The following NKD1 variants were observed in gnomAD, a reference collection of about 807,000 sequenced individuals.
The protein encoded by NKD1 is NKD inhibitor of Wnt signaling pathway 1, also known as protein naked cuticle homolog 1.
NKD1 carries 21 observed loss-of-function variants against 56.0 expected under a neutral mutation model. The ratio of observed to expected loss-of-function variants is 0.38; its 90% CI spans 0.27 to 0.54. The LOEUF is 0.54. Among genes scored for constraint, NKD1 ranks in the 20% least tolerant of loss-of-function variants. The pLI is 0.82. For missense variants in NKD1, 578 were observed against 642.7 expected (o/e 0.90, Z 1.09); for synonymous variants, 263 against 265.7 (o/e 0.99, Z 0.10).
Position 50,608,128 on chromosome 16 carries a change from G to C in NKD1, c.193-166G>C. 5 of 654,478 alleles carry C rather than the reference G, an allele frequency of 7.6e-6. No individual in the cohort carries two copies. The South Asian group carries it at 8.4e-5, about 11-fold the overall frequency. 40.5% of individuals were successfully genotyped at this position (654,478 alleles called of 1,614,324 possible). ...GTGTGGGTTTATGTTAAGGGCAGGA[G>C]GGACCCACCTTGGCACTTAACTTTT... On this transcript the variant is annotated intron_variant, in intron 3 of 9. Coordinates refer to ENST00000268459, the MANE Select transcript of NKD1 (RefSeq NM_033119.5).
chr16:50,602,470 G>T (rs1197083369), intron 3 of NKD1, among the ~76,000 whole-genome samples: 1 of 152,134 alleles, frequency 6.6e-6, no homozygotes, highest in Non-Finnish European at 1.5e-5. Context: ...CCCAGCTTTT[G>T]TTTTCTTTTG....
chr16:50,588,569 T>G (rs1180514484), intron 3 of NKD1, among the ~76,000 whole-genome samples: 3 of 151,680 alleles, frequency 2.0e-5, no homozygotes, highest in African/African-American at 7.3e-5. Context: ...AGCTACTTGT[T>G]CAAGTTTCTT....
At chr16:50,612,497 C>CA (rs1567348947) in intron 4 of NKD1, among the ~76,000 whole-genome samples, 1 of 152,206 alleles carries the variant, frequency 6.6e-6, no homozygotes. Context: ...GCCCAGCAGT[C>CA]ACGACATTCA....
At chr16:50,610,333 G>A (rs770322553) in intron 4 of NKD1, among the ~76,000 whole-genome samples, 12 of 152,250 alleles carry the variant, frequency 7.9e-5, no homozygotes, top group South Asian at 2.1e-4. Context: ...GGACCTGTCC[G>A]TGTGGCCCTT....
At chr16:50,588,711 C>A (rs1961284079) in intron 3 of NKD1, among the ~76,000 whole-genome samples, 1 of 141,492 alleles carries the variant, frequency 7.1e-6, no homozygotes, top group South Asian at 2.3e-4. Context: ...CAAGAGAGTT[C>A]TTCCACCTCA....
At chr16:50,588,298 C>G (rs902765599) in intron 3 of NKD1, among the ~76,000 whole-genome samples, 1 of 152,232 alleles carries the variant, frequency 6.6e-6, no homozygotes, top group African/African-American at 2.4e-5. Context: ...ACTGAGACTG[C>G]AAGTTTAGAA....
intron 5 of NKD1, among the ~76,000 whole-genome samples, chr16:50,624,146 C>G (rs554227752): frequency 5.9e-5 from 9 of 152,224 alleles, no homozygotes; most frequent in Admixed American, 2.6e-4. Flanking sequence ...GTGCCACCTT[C>G]CTGATGGTGG....
chr16:50,595,204 G>C (rs887871905), intron 3 of NKD1, among the ~76,000 whole-genome samples: 1 of 152,118 alleles, frequency 6.6e-6, no homozygotes, highest in African/African-American at 2.4e-5. Context: ...TCGGATCCTG[G>C]CTCTGCTCCT....
Position 50,633,465 on chromosome 16 carries a change from G to T in NKD1, c.1097G>T (p.Arg366Ile), listed in dbSNP as rs1309459634. The T allele has an allele frequency of 6.2e-7, 1 of 1,609,348 alleles. No individual in the cohort carries two copies. The highest frequency in any genetic ancestry group is 1.3e-5 in the African/African-American group (1 of 74,986). The part of the protein sequence containing the change: ...VGVGHVARGA[R>I]NKPPLGPAIP... Reference sequence around the variant, plus strand: ...GTGGGCCACGTGGCCAGAGGGGCAAGAAACAAGCCCCCTCTGGGACCCGCC... The same window carrying T: ...GTGGGCCACGTGGCCAGAGGGGCAATAAACAAGCCCCCTCTGGGACCCGCC... The change falls in exon 10 of 10, where the codon AGA becomes ATA. Residue 366 changes from arginine to isoleucine, a missense_variant. Arg to Ile is a moderately conservative substitution (Grantham distance 97, BLOSUM62 -3). Transcript: ENST00000268459. The surrounding 1 kb of genome is among the most constrained non-coding windows in gnomAD (Gnocchi z 4.9).
At chr16:50,603,213 C>T (rs967887148) in intron 3 of NKD1, among the ~76,000 whole-genome samples, 2 of 152,230 alleles carry the variant, frequency 1.3e-5, no homozygotes, top group South Asian at 2.1e-4. Flanking sequence ...TGCTGCCACT[C>T]GGCTGCTGAG....
Position 50,633,705 on chromosome 16 carries a change from G to T in NKD1, c.1337G>T (p.Gly446Val). The T allele has an allele frequency of 6.3e-7, 1 of 1,589,126 alleles. No individual in the cohort carries two copies. The highest frequency in any genetic ancestry group is 8.6e-7 in the Non-Finnish European group (1 of 1,168,036). Residue 446 changes from glycine (G) to valine (V), a missense_variant, in exon 10 of 10, where the codon GGG becomes GTG. Coordinates refer to ENST00000268459, the MANE Select transcript of NKD1 (RefSeq NM_033119.5). This position sits in a 1 kb window ranked among gnomAD's most constrained non-coding sequence, Gnocchi z 4.9. ...PALVVYESQA[G>V]QPVQRHEHHH... Reference sequence around the variant, plus strand: ...TTGGTGGTGTATGAGAGCCAGGCCGGGCAGCCGGTCCAGAGACATGAGCAC... The same window carrying T: ...TTGGTGGTGTATGAGAGCCAGGCCGTGCAGCCGGTCCAGAGACATGAGCAC...
intron 3 of NKD1, chr16:50,571,558 G>A (rs1291305165): frequency 2.0e-6 from 2 of 984,352 alleles, no homozygotes; most frequent in Non-Finnish European, 1.2e-6. Context: ...CCAGTGACGG[G>A]CTCTCCATTC....
intron 3 of NKD1, among the ~76,000 whole-genome samples, chr16:50,581,384 CA>C (rs1961112551): frequency 6.6e-6 from 1 of 152,198 alleles, no homozygotes; most frequent in Non-Finnish European, 1.5e-5. Flanking sequence ...GTTTAGGGAC[CA>C]GTTTCCCAAG....
At chr16:50,560,832 A>ATCTATCTATCTG (rs1960612719) in intron 3 of NKD1, among the ~76,000 whole-genome samples, 1 of 151,638 alleles carries the variant, frequency 6.6e-6, no homozygotes, top group South Asian at 2.1e-4. Flanking sequence ...CCATCTATCT[A>ATCTATCTATCTG]TCTATCTATC....
rs770363573 is a variant in NKD1, at chr16:50,633,610, G to C, written c.1242G>C (p.Arg414=). The C allele has an allele frequency of 2.5e-6, 4 of 1,610,460 alleles. No homozygotes were observed. The Admixed American group carries it at 6.7e-5, about 27-fold the overall frequency. ...CCAAGGAGAGCCAGCAGGGCTGCCG[G>C]GGCCTGCAGGCACCACTGGCCTCAG... ...HRAKESQQGC[R]GLQAPLASGG... is the part of the protein sequence containing the mutation. Residue 414 remains arginine, a synonymous_variant, in exon 10 of 10, where the codon CGG becomes CGC. Coordinates refer to ENST00000268459, the MANE Select transcript of NKD1 (RefSeq NM_033119.5). The surrounding 1 kb of genome is among the most constrained non-coding windows in gnomAD (Gnocchi z 4.9).
At chr16:50,612,278 G>A (rs1326725507) in intron 4 of NKD1, among the ~76,000 whole-genome samples, 2 of 152,224 alleles carry the variant, frequency 1.3e-5, no homozygotes, top group East Asian at 3.8e-4. Flanking sequence ...GTCAGATGTT[G>A]GGCAAAGGAA....
rs926081623 is a variant in NKD1 at position 50,642,039 on chromosome 16, C to T, written c.*8258C>T. The T allele has an allele frequency of 5.3e-5, 8 of 152,228 alleles. No individual in the cohort carries two copies. Among genetic ancestry groups the T allele is most frequent in the African/African-American group, 1.4e-4 (6 of 41,444 alleles). The allele number at this position is 152,228 out of a possible 1,614,324, so 9.4% of individuals were successfully genotyped here. ...TCTGTAAAGTGGACCTAATGAGGCC[C>T]GCTTGGCTTCAGCTCCAGGGACTTT... On this transcript the variant is annotated 3_prime_UTR_variant, in exon 10 of 10. Transcript: ENST00000268459.
At position 50,598,052 on chromosome 16, in the gene NKD1, G is replaced by A. The variant is rs564909628; in HGVS notation, c.193-10242G>A. Among the ~76,000 whole-genome samples the A allele has an allele frequency of 1.3e-5, 2 of 152,258 alleles. No individual in the cohort carries two copies. Among genetic ancestry groups the A allele is most frequent in the Admixed American group, 6.5e-5 (1 of 15,284 alleles). ...CAGGGCTGGGAGGCTCCAAGTGGGCGGTCTGGCCTGTGAGAGGGATGGTGA... is the reference window on the plus strand; with the variant it reads ...CAGGGCTGGGAGGCTCCAAGTGGGCAGTCTGGCCTGTGAGAGGGATGGTGA... On this transcript the variant is annotated intron_variant, in intron 3 of 9. Coordinates refer to ENST00000268459, the MANE Select transcript of NKD1 (RefSeq NM_033119.5). The surrounding 1 kb of genome is among the most constrained non-coding windows in gnomAD (Gnocchi z 4.2).
chr16:50,561,512 T>C (rs549089943), intron 3 of NKD1, among the ~76,000 whole-genome samples: 1 of 152,090 alleles, frequency 6.6e-6, no homozygotes, highest in Non-Finnish European at 1.5e-5. Flanking sequence ...GTAGCACAGT[T>C]AGGGTGGCTC....
Sources: gnomAD v4.1 joint callset for allele counts (sites outside exome capture counted in the v4.1 genomes callset) on GRCh38, gnomAD v4.1.1 for gene constraint, Gnocchi (gnomAD v3.1) non-coding constraint, MANE v1.5 for transcripts, NCBI Gene and HGNC (gene_info 2026-07-23, HGNC 2026-07-21) for gene names.